The following C1orf21 variants were observed in gnomAD, a reference collection of about 807,000 sequenced individuals.
The protein encoded by C1orf21 is uncharacterized protein C1orf21.
A neutral mutation model predicts 18.7 loss-of-function variants in C1orf21; 3 were observed. That is an observed-to-expected ratio of 0.16 (90% CI 0.07 to 0.42). The LOEUF is 0.42. Ranked by LOEUF, C1orf21 falls within the 10% of genes least tolerant of loss-of-function variation. C1orf21 has a pLI of 0.99. For synonymous variants in C1orf21, 41 were observed against 46.4 expected (o/e 0.88, Z 0.47); for missense variants, 104 against 143.6 (o/e 0.72, Z 1.41).
intron 3 of C1orf21, among the ~76,000 whole-genome samples, chr1:184,514,176 A>G (rs190634438): frequency 3.3e-5 from 5 of 152,184 alleles, no homozygotes; most frequent in Non-Finnish European, 7.3e-5. Context: ...CTTGTGGTGC[A>G]TGCCAATAGT....
chr1:184,600,591 G>A (rs1173044002), intron 5 of C1orf21, among the ~76,000 whole-genome samples: 1 of 152,178 alleles, frequency 6.6e-6, no homozygotes, highest in Admixed American at 6.5e-5. Context: ...ACAAAATAAA[G>A]AGTAATCCAG....
chr1:184,583,273 T>G (rs1558008139), intron 3 of C1orf21, among the ~76,000 whole-genome samples: 1 of 152,130 alleles, frequency 6.6e-6, no homozygotes, highest in Admixed American at 6.5e-5. Context: ...TCAGAGAAAC[T>G]AAGAAGAGAA....
intron 1 of C1orf21, among the ~76,000 whole-genome samples, chr1:184,432,201 T>C (rs987729782): frequency 7.9e-5 from 12 of 152,246 alleles, no homozygotes; most frequent in Admixed American, 3.3e-4. Flanking sequence ...TAAATCATTC[T>C]ACTCTAATGA....
At chr1:184,419,481 T>C (rs1656511371) in intron 1 of C1orf21, among the ~76,000 whole-genome samples, 2 of 152,214 alleles carry the variant, frequency 1.3e-5, no homozygotes, top group Admixed American at 1.3e-4. Flanking sequence ...AAATATTTAT[T>C]GAACACCTGC....
chr1:184,600,200 C>A (rs1179308997), intron 5 of C1orf21, among the ~76,000 whole-genome samples: 2 of 151,632 alleles, frequency 1.3e-5, no homozygotes, highest in African/African-American at 4.8e-5. Context: ...CGAGGTCTCA[C>A]TTGTCACCCA....
chr1:184,551,791 G>A (rs1038703613), intron 3 of C1orf21, among the ~76,000 whole-genome samples: 17 of 152,158 alleles, frequency 1.1e-4, no homozygotes, highest in Admixed American at 3.9e-4. Flanking sequence ...AGCATCACTC[G>A]AGGCTAGGAG....
intron 1 of C1orf21, among the ~76,000 whole-genome samples, chr1:184,447,460 C>A (rs944930138): frequency 2.6e-5 from 4 of 152,148 alleles, no homozygotes; most frequent in Non-Finnish European, 4.4e-5. Context: ...TGGTCCACAA[C>A]TCTGTCCTGT....
At chr1:184,597,838 C>T (rs1234285837) in intron 4 of C1orf21, among the ~76,000 whole-genome samples, 2 of 152,176 alleles carry the variant, frequency 1.3e-5, no homozygotes, top group East Asian at 3.9e-4. Flanking sequence ...CTCCCACGTT[C>T]CAGTGGAATT....
chr1:184,521,138 G>C (rs969882374), intron 3 of C1orf21, among the ~76,000 whole-genome samples: 1 of 152,054 alleles, frequency 6.6e-6, no homozygotes, highest in Non-Finnish European at 1.5e-5. Context: ...ACTCGCCTCG[G>C]CCTCCCAAAG....
At chr1:184,599,401 T>C (rs534322321) in intron 5 of C1orf21, 3 of 152,318 alleles carry the variant, frequency 2.0e-5, no homozygotes, top group Admixed American at 2.0e-4. Context: ...ATGAAGAAGG[T>C]CTTAAATTCA....
At chr1:184,433,667 A>G (rs978197446) in intron 1 of C1orf21, among the ~76,000 whole-genome samples, 2 of 152,198 alleles carry the variant, frequency 1.3e-5, no homozygotes, top group Non-Finnish European at 2.9e-5. Flanking sequence ...TTTTAACAAC[A>G]TATTTTATTG....
chr1:184,456,922 A>G (rs1045857899), intron 1 of C1orf21, among the ~76,000 whole-genome samples: 1 of 152,186 alleles, frequency 6.6e-6, no homozygotes, highest in African/African-American at 2.4e-5. Context: ...CCACAGCAGC[A>G]GTATATGTTG....
Position 184,387,268 on chromosome 1 carries a change from GGAGGAGGAAGAA to G in C1orf21, c.-216_-205del, listed in dbSNP as rs1655901151. On this transcript the variant is annotated 5_prime_UTR_variant, in exon 1 of 6. Transcript: ENST00000235307. This position sits in a 1 kb window ranked among gnomAD's most constrained non-coding sequence, Gnocchi z 5.6. ...GGGAGCCCCGGACACACTGTGGGGA[GGAGGAGGAAGAA>G]GAGGAGGAGGGAGGAAGAAAAAAGA... The G allele has an allele frequency of 6.6e-6, 1 of 151,868 alleles. No individual in the cohort carries two copies. The highest frequency in any genetic ancestry group is 2.4e-5 in the African/African-American group (1 of 41,256). The allele number at this position is 151,868 out of a possible 1,614,324, so 9.4% of individuals were successfully genotyped here.
intron 1 of C1orf21, among the ~76,000 whole-genome samples, chr1:184,426,844 C>T (rs1190720544): frequency 6.6e-6 from 1 of 152,182 alleles, no homozygotes; most frequent in African/African-American, 2.4e-5. Context: ...ACTGTAGATG[C>T]TCATCTGATG....
intron 2 of C1orf21, among the ~76,000 whole-genome samples, chr1:184,486,158 G>A (rs1657729869): frequency 6.6e-6 from 1 of 152,190 alleles, no homozygotes; most frequent in Admixed American, 6.5e-5. Context: ...AAAGTGCTCA[G>A]CCCAGTGTCT....
At chr1:184,520,917 G>T (rs568817659) in intron 3 of C1orf21, among the ~76,000 whole-genome samples, 1 of 151,854 alleles carries the variant, frequency 6.6e-6, no homozygotes, top group Non-Finnish European at 1.5e-5. Flanking sequence ...TTTTGAGATG[G>T]AATCTCGCTC....
intron 2 of C1orf21, among the ~76,000 whole-genome samples, chr1:184,496,365 T>A (rs1439466733): frequency 1.3e-5 from 2 of 152,170 alleles, no homozygotes; most frequent in Non-Finnish European, 2.9e-5. Context: ...AGTGAGAGTA[T>A]AAAAGACAGT....
chr1:184,435,430 G>A (rs150625478), intron 1 of C1orf21, among the ~76,000 whole-genome samples: 2,452 of 152,196 alleles, frequency 0.016, 34 homozygotes, highest in Non-Finnish European at 0.025. Flanking sequence ...TGCAACCTCC[G>A]CCTCCCAAGT....
intron 1 of C1orf21, among the ~76,000 whole-genome samples, chr1:184,472,063 G>A (rs1011754899): frequency 2.5e-4 from 38 of 152,000 alleles, no homozygotes; most frequent in Non-Finnish European, 5.1e-4. Context: ...TTCCCCCTCG[G>A]TGGGCTGCTG....
Sources: allele counts gnomAD v4.1 joint callset (sites outside exome capture counted in the v4.1 genomes callset), GRCh38; gene constraint gnomAD v4.1.1; non-coding constraint Gnocchi (gnomAD v3.1); transcripts MANE v1.5; gene names NCBI Gene and HGNC (gene_info 2026-07-23, HGNC 2026-07-21).